The following AKAP6 variants were observed in gnomAD, a reference collection of about 807,000 sequenced individuals.
AKAP6 encodes the protein A-kinase anchor protein 6.
In AKAP6, 58 loss-of-function variants were observed where a neutral mutation model predicts 188.5. The ratio of observed to expected loss-of-function variants is 0.31; its 90% CI spans 0.25 to 0.38. The LOEUF (loss-of-function observed/expected upper bound fraction) is 0.38. AKAP6 is among the 10% of genes least tolerant of loss of function. The pLI is 1.00. For synonymous variants in AKAP6, 989 were observed against 998.6 expected, an observed-to-expected ratio of 0.99 and a Z score of 0.18; for missense variants, 2,710 against 2,740.0, an observed-to-expected ratio of 0.99 and a Z score of 0.24.
Position 32,579,586 on chromosome 14 carries a change from C to T in AKAP6, c.2469+2344C>T, listed in dbSNP as rs148111401. Among the ~76,000 whole-genome samples, 764 of 152,158 alleles carry T rather than the reference C, an allele frequency of 5.0e-3. 5 individuals carry two copies. The highest frequency in any genetic ancestry group is 0.018 in the African/African-American group (731 of 41,528). On this transcript the variant is annotated intron_variant, in intron 5 of 13. Coordinates refer to ENST00000280979, the MANE Select transcript of AKAP6 (RefSeq NM_004274.5). The stretch of plus-strand genomic sequence containing the variant: ...TTGCCACTGAATGATATTCTTAAAG[C>T]GCAATCAAGAGCTACTGTTACACTG...
chr14:32,377,510 TGAGAGA>T (rs145177834), intron 1 of AKAP6, among the ~76,000 whole-genome samples: 3 of 149,066 alleles, frequency 2.0e-5, no homozygotes, highest in Admixed American at 6.7e-5. Flanking sequence ...TGTACGTGCA[TGAGAGA>T]GAGAGAGAGA....
chr14:32,515,255 G>A (rs1223343267), intron 2 of AKAP6, among the ~76,000 whole-genome samples: 2 of 152,048 alleles, frequency 1.3e-5, no homozygotes, highest in African/African-American at 2.4e-5. Flanking sequence ...CCAAGAGAAC[G>A]GTGTGGGGGA....
chr14:32,412,253 A>G (rs1198750664), intron 1 of AKAP6, among the ~76,000 whole-genome samples: 1 of 152,210 alleles, frequency 6.6e-6, no homozygotes, highest in African/African-American at 2.4e-5. Flanking sequence ...TCATGCATTC[A>G]GTGTCTCACT....
chr14:32,501,209 A>T (rs1318651278), intron 2 of AKAP6, among the ~76,000 whole-genome samples: 2 of 152,216 alleles, frequency 1.3e-5, no homozygotes, highest in Non-Finnish European at 2.9e-5. Flanking sequence ...TGTAATTAAT[A>T]TAAAATTATT....
intron 5 of AKAP6, among the ~76,000 whole-genome samples, chr14:32,590,341 AAT>A (rs1193739117): frequency 2.0e-5 from 3 of 151,970 alleles, no homozygotes; most frequent in Non-Finnish European, 4.4e-5. Context: ...AGGTATTAAA[AAT>A]ATCTGCTAAG....
intron 7 of AKAP6, among the ~76,000 whole-genome samples, chr14:32,659,119 G>A (rs973987418): frequency 3.9e-5 from 6 of 152,072 alleles, no homozygotes; most frequent in Non-Finnish European, 8.8e-5. Context: ...GACTAAAGTG[G>A]ATATGAGTGA....
intron 7 of AKAP6, among the ~76,000 whole-genome samples, chr14:32,665,961 A>G (rs1419856727): frequency 6.6e-6 from 1 of 152,146 alleles, no homozygotes; most frequent in Non-Finnish European, 1.5e-5. Context: ...AGGCTGTTAC[A>G]TATGACTTTG....
intron 1 of AKAP6, among the ~76,000 whole-genome samples, chr14:32,381,050 A>G (rs1471938265): frequency 6.6e-6 from 1 of 152,116 alleles, no homozygotes; most frequent in Admixed American, 6.6e-5. Flanking sequence ...TTAATAGAAA[A>G]TATCGGCTGG....
At chr14:32,595,227 C>T (rs1261853157) in intron 5 of AKAP6, among the ~76,000 whole-genome samples, 1 of 152,116 alleles carries the variant, frequency 6.6e-6, no homozygotes, top group Non-Finnish European at 1.5e-5. Flanking sequence ...AGCCACTCTC[C>T]CATGTCACTG....
intron 7 of AKAP6, among the ~76,000 whole-genome samples, chr14:32,671,296 C>A (rs543033745): frequency 4.5e-4 from 69 of 152,218 alleles, no homozygotes; most frequent in African/African-American, 1.6e-3. Flanking sequence ...GGTTGAGGAC[C>A]AAGGACTGAC....
chr14:32,818,530 A>T (rs1273609879), intron 12 of AKAP6, among the ~76,000 whole-genome samples: 1 of 151,432 alleles, frequency 6.6e-6, no homozygotes, highest in African/African-American at 2.4e-5. Context: ...TAACCGTGAA[A>T]TTTTTTTTTA....
intron 2 of AKAP6, among the ~76,000 whole-genome samples, chr14:32,472,198 G>A (rs1268100113): frequency 6.6e-6 from 1 of 152,096 alleles, no homozygotes; most frequent in Non-Finnish European, 1.5e-5. Context: ...GAACTCTAAA[G>A]TGGCTCCCCT....
intron 8 of AKAP6, among the ~76,000 whole-genome samples, chr14:32,679,054 T>C (rs1001646727): frequency 6.6e-6 from 1 of 152,190 alleles, no homozygotes. Context: ...TATATTATAC[T>C]AACTATTCAT....
chr14:32,678,218 G>A, intron 7 of AKAP6, 93 bp from the exon 8 acceptor site: 1 of 1,330,852 alleles, frequency 7.5e-7, no homozygotes, highest in South Asian at 1.5e-5. Context: ...CTATAATGAT[G>A]TGAAGAATTC....
chr14:32,596,118 C>T (rs1165700396), intron 5 of AKAP6, among the ~76,000 whole-genome samples: 2 of 152,064 alleles, frequency 1.3e-5, no homozygotes, highest in African/African-American at 4.8e-5. Context: ...AGTCTGTGTT[C>T]GTGATTTGAT....
intron 12 of AKAP6, among the ~76,000 whole-genome samples, chr14:32,800,061 C>CTATATATATATATA (rs1555363776): frequency 2.9e-5 from 4 of 136,944 alleles, no homozygotes; most frequent in Admixed American, 7.5e-5. Flanking sequence ...CTCTCTCTCT[C>CTATATATATATATA]TATATATATA....
At chr14:32,748,781 G>A (rs74763327) in intron 11 of AKAP6, among the ~76,000 whole-genome samples, 12,938 of 152,172 alleles carry the variant, frequency 0.085, 591 homozygotes, top group South Asian at 0.12. Flanking sequence ...ATTATTAAGG[G>A]TGGGTCTTCA....
At chr14:32,600,500 C>T (rs1290671828) in intron 6 of AKAP6, 129 bp from the exon 7 acceptor site, 3 of 1,009,734 alleles carry the variant, frequency 3.0e-6, no homozygotes, top group Admixed American at 6.5e-5. Context: ...GCTGATATGG[C>T]AGGTGATGGT....
intron 4 of AKAP6, among the ~76,000 whole-genome samples, chr14:32,558,998 A>C (rs939206235): frequency 6.6e-6 from 1 of 152,248 alleles, no homozygotes; most frequent in African/African-American, 2.4e-5. Context: ...ACTAGTTAGA[A>C]ATAACTTTGT....
Sources: gnomAD v4.1 joint callset for allele counts (sites outside exome capture counted in the v4.1 genomes callset) on GRCh38, gnomAD v4.1.1 for gene constraint, MANE v1.5 for transcripts, NCBI Gene and HGNC (gene_info 2026-07-23, HGNC 2026-07-21) for gene names.